Variants in GLYATL2 observed in about 807,000 individuals in gnomAD.
The protein encoded by GLYATL2 is glycine N-acyltransferase-like protein 2.
In GLYATL2, 25 loss-of-function variants were observed where a neutral mutation model predicts 21.4. The ratio of observed to expected loss-of-function variants is 1.17; its 90% CI spans 0.85 to 1.63. GLYATL2 has a LOEUF of 1.63. GLYATL2 is among the 40% of genes most tolerant of loss of function. The pLI, the probability that GLYATL2 is intolerant of heterozygous loss-of-function variation, is 0.00. For missense variants in GLYATL2, 361 were observed against 343.3 expected (o/e 1.05, Z -0.41); for synonymous variants, 114 against 118.2 (o/e 0.96, Z 0.23).
chr11:58,855,084 TGTTGATAG>T (rs1853805476), intron 1 of GLYATL2, among the ~76,000 whole-genome samples: 2 of 152,214 alleles, frequency 1.3e-5, no homozygotes, highest in Non-Finnish European at 1.5e-5. Context: ...TTCCTGTTGA[TGTTGATAG>T]CTTGATCTCC....
At chr11:58,835,083 A>C (rs1207989308) in intron 5 of GLYATL2, among the ~76,000 whole-genome samples, 29 of 152,148 alleles carry the variant, frequency 1.9e-4, no homozygotes, top group Non-Finnish European at 4.4e-5. Flanking sequence ...GGACATCTCA[A>C]AATATCCCAC....
At chr11:58,865,763 AG>A (rs1854013769) in intron 1 of GLYATL2, among the ~76,000 whole-genome samples, 1 of 149,000 alleles carries the variant, frequency 6.7e-6, no homozygotes, top group Non-Finnish European at 1.5e-5. Context: ...CCACTGTTTT[AG>A]GACATGACTT....
intron 1 of GLYATL2, among the ~76,000 whole-genome samples, chr11:58,852,667 G>C (rs941142206): frequency 2.0e-5 from 3 of 152,214 alleles, no homozygotes; most frequent in African/African-American, 7.2e-5. Context: ...TCTCAAGTGA[G>C]ATGTACAGAC....
chr11:58,899,570 G>A (rs1476423621), intron 1 of GLYATL2, among the ~76,000 whole-genome samples: 1 of 152,026 alleles, frequency 6.6e-6, no homozygotes, highest in Middle Eastern at 3.2e-3. Context: ...AGAGGAAACA[G>A]GAAGGGGTTA....
chr11:58,843,312 G>A (rs1251976176), intron 1 of GLYATL2, among the ~76,000 whole-genome samples: 1 of 152,194 alleles, frequency 6.6e-6, no homozygotes, highest in East Asian at 1.9e-4. Flanking sequence ...AAAGAAGTAG[G>A]ATTTTATGGG....
chr11:58,873,511 G>T (rs187145645), intron 1 of GLYATL2, among the ~76,000 whole-genome samples: 22,393 of 152,100 alleles, frequency 0.15, 1,812 homozygotes, highest in African/African-American at 0.2. Flanking sequence ...GTTGAATTTT[G>T]TCAAAGGCCT....
intron 1 of GLYATL2, among the ~76,000 whole-genome samples, chr11:58,904,005 T>C (rs1854792938): frequency 6.6e-6 from 1 of 152,226 alleles, no homozygotes; most frequent in South Asian, 2.1e-4. Flanking sequence ...GCAGACTTTA[T>C]CTTTCTAGTT....
intron 1 of GLYATL2, among the ~76,000 whole-genome samples, chr11:58,872,323 C>T (rs1362394242): frequency 6.6e-6 from 1 of 152,100 alleles, no homozygotes; most frequent in Non-Finnish European, 1.5e-5. Context: ...CTTTCGTTGC[C>T]ATTGCTTTTG....
intron 1 of GLYATL2, among the ~76,000 whole-genome samples, chr11:58,877,527 A>G (rs1854258663): frequency 6.6e-6 from 1 of 152,232 alleles, no homozygotes; most frequent in Admixed American, 6.5e-5. Flanking sequence ...ATGCAAAATT[A>G]AGAAATTGGG....
chr11:58,875,609 A>T (rs1465655271), intron 1 of GLYATL2, among the ~76,000 whole-genome samples: 2 of 152,196 alleles, frequency 1.3e-5, no homozygotes, highest in Non-Finnish European at 2.9e-5. Flanking sequence ...AGAATGTTAA[A>T]TATTGGCCCC....
intron 1 of GLYATL2, among the ~76,000 whole-genome samples, chr11:58,875,039 T>C (rs1854201316): frequency 6.6e-6 from 1 of 152,268 alleles, no homozygotes; most frequent in Non-Finnish European, 1.5e-5. Flanking sequence ...TTTACCATTA[T>C]GTAATGGCCT....
upstream of GLYATL2, among the ~76,000 whole-genome samples, chr11:58,848,695 T>A (rs1353142330): frequency 6.6e-6 from 1 of 151,962 alleles, no homozygotes; most frequent in South Asian, 2.1e-4. Context: ...ACAAAACACA[T>A]CTACAGGTTA....
At chr11:58,893,998 T>A (rs1259111389) in intron 1 of GLYATL2, among the ~76,000 whole-genome samples, 1 of 152,176 alleles carries the variant, frequency 6.6e-6, no homozygotes, top group Admixed American at 6.5e-5. Flanking sequence ...CTACCTTTCA[T>A]CATTGTTATG....
At chr11:58,890,085 C>A (rs543371694) in intron 1 of GLYATL2, among the ~76,000 whole-genome samples, 2 of 152,152 alleles carry the variant, frequency 1.3e-5, no homozygotes, top group Admixed American at 1.3e-4. Flanking sequence ...AGTTAGTTTT[C>A]TAACCCAGCC....
chr11:58,883,173 C>A (rs1854372015), intron 1 of GLYATL2, among the ~76,000 whole-genome samples: 1 of 152,120 alleles, frequency 6.6e-6, no homozygotes, highest in African/African-American at 2.4e-5. Context: ...AATATTGATT[C>A]TTTCTATCCA....
chr11:58,836,276 G>A (rs2156348), intron 5 of GLYATL2, among the ~76,000 whole-genome samples: 8,097 of 151,762 alleles, frequency 0.053, 378 homozygotes, highest in East Asian at 0.21. Context: ...ATAATCTGTC[G>A]TGTAGAGCTA....
intron 2 of GLYATL2, 92 bp downstream of exon 2, chr11:58,839,443 A>T: frequency 2.9e-6 from 2 of 678,362 alleles, no homozygotes; most frequent in Non-Finnish European, 2.5e-6. Flanking sequence ...TTAGACTTGC[A>T]TTCCCATCTC....
At chr11:58,853,559 C>A (rs1322040349) in intron 1 of GLYATL2, among the ~76,000 whole-genome samples, 1 of 152,064 alleles carries the variant, frequency 6.6e-6, no homozygotes, top group Admixed American at 6.6e-5. Flanking sequence ...GCTCTGACAC[C>A]TTTTAGAAAA....
upstream of GLYATL2, among the ~76,000 whole-genome samples, chr11:58,904,950 A>G (rs1854826341): frequency 6.6e-6 from 1 of 152,208 alleles, no homozygotes; most frequent in Admixed American, 6.5e-5. Context: ...ATCTCCTTCT[A>G]TTCATGTTCT....
Sources: allele counts gnomAD v4.1 joint callset (sites outside exome capture counted in the v4.1 genomes callset), GRCh38; gene constraint gnomAD v4.1.1; transcripts MANE v1.5; gene names NCBI Gene and HGNC (gene_info 2026-07-23, HGNC 2026-07-21).